Variants in ABI3BP observed in about 807,000 individuals in gnomAD.
The protein encoded by ABI3BP is target of Nesh-SH3.
Under a neutral mutation model 268.6 loss-of-function variants are expected in ABI3BP, and 216 were observed. The observed-to-expected ratio is 0.80, with a 90% confidence interval of 0.72 to 0.90. The LOEUF (loss-of-function observed/expected upper bound fraction) is 0.90, where lower values mean the gene tolerates loss of function less well. Ranked by LOEUF, ABI3BP falls within the 40% of genes least tolerant of loss-of-function variation. The pLI, the probability that ABI3BP is intolerant of heterozygous loss-of-function variation, is 0.00. For missense variants in ABI3BP, 2,090 were observed against 2,182.4 expected (o/e 0.96, Z 0.84); for synonymous variants, 730 against 730.0 (o/e 1.00, Z 0.00).
chr3:100,844,565 T>A, intron 20 of ABI3BP: 1 of 510,432 alleles, frequency 2.0e-6, no homozygotes, highest in Non-Finnish European at 2.5e-6. Flanking sequence ...GTGTATTTGC[T>A]CTTCCAAACC....
chr3:100,863,999 T>C lies in ABI3BP; in HGVS notation c.1138+3A>G. The C allele has an allele frequency of 6.6e-7, 1 of 1,524,046 alleles. No individual in the cohort carries two copies. Among genetic ancestry groups the C allele is most frequent in the South Asian group, 1.2e-5 (1 of 83,782 alleles). The allele number at this position is 1,524,046 out of a possible 1,614,324, so 94.4% of individuals were successfully genotyped here. A position where few individuals can be genotyped will look rare whatever the true frequency, so the allele number is the denominator to read the frequency against. ...TAAAGCTGCAGTATTTATTATTTTT[T>C]ACCTAGAGTGCTCAGTGGCAATTCA... On this transcript the variant is annotated splice_donor_region_variant and intron_variant, in intron 12 of 67. Transcript: ENST00000471714.
intron 2 of ABI3BP, among the ~76,000 whole-genome samples, chr3:100,905,116 A>G (rs1478544912): frequency 2.0e-5 from 3 of 152,216 alleles, no homozygotes; most frequent in African/African-American, 4.8e-5. Context: ...TTGTAGGGAC[A>G]TGGATGAAGC....
At position 100,840,353 on chromosome 3, in the gene ABI3BP, T is replaced by C. The variant is rs1054764590; in HGVS notation, c.1805-189A>G. On this transcript the variant is annotated intron_variant, in intron 22 of 67. Transcript: ENST00000471714. ...TCTTGAATAATTTTTTTGTCACAGA[T>C]TAATAAACTGTCCAAGAGATCTGTC... Among the ~76,000 whole-genome samples the C allele has an allele frequency of 2.6e-5, 4 of 152,168 alleles. No homozygotes were observed. The South Asian group carries it at 6.2e-4, about 24-fold the overall frequency.
At chr3:100,763,858 T>C (rs949001728) in intron 63 of ABI3BP, among the ~76,000 whole-genome samples, 7 of 152,196 alleles carry the variant, frequency 4.6e-5, no homozygotes, top group African/African-American at 1.7e-4. Context: ...CCAGCAACTG[T>C]TGCTCAATAT....
chr3:100,927,935 G>A (rs572304056), intron 1 of ABI3BP, among the ~76,000 whole-genome samples: 1 of 148,592 alleles, frequency 6.7e-6, no homozygotes, highest in East Asian at 2.0e-4. Flanking sequence ...AAACTTTGTA[G>A]TTTTTTTGTG....
intron 4 of ABI3BP, among the ~76,000 whole-genome samples, chr3:100,893,691 TAA>T (rs1274699297): frequency 6.6e-6 from 1 of 151,872 alleles, no homozygotes; most frequent in East Asian, 1.9e-4. Flanking sequence ...GTTTGGAAAT[TAA>T]AAGAGACTGA....
At chr3:100,873,228 A>G (rs1028664506) in intron 9 of ABI3BP, among the ~76,000 whole-genome samples, 1 of 152,234 alleles carries the variant, frequency 6.6e-6, no homozygotes, top group Non-Finnish European at 1.5e-5. Context: ...TGGATATTTG[A>G]AAAACACATG....
At chr3:100,921,267 G>A (rs1189147904) in intron 2 of ABI3BP, among the ~76,000 whole-genome samples, 1 of 152,208 alleles carries the variant, frequency 6.6e-6, no homozygotes, top group African/African-American at 2.4e-5. Flanking sequence ...CTTTTCTGCA[G>A]TAAGGATACT....
At chr3:100,778,159 CAGG>C (rs1262007679) in intron 59 of ABI3BP, 122 bp downstream of exon 59, 13 of 919,038 alleles carry the variant, frequency 1.4e-5, no homozygotes, top group Middle Eastern at 2.1e-4. Context: ...GTCTAGTCTT[CAGG>C]GCCAACACAA....
intron 51 of ABI3BP, among the ~76,000 whole-genome samples, chr3:100,803,889 T>G (rs2097609619): frequency 6.6e-6 from 1 of 152,220 alleles, no homozygotes; most frequent in Non-Finnish European, 1.5e-5. Flanking sequence ...TAATAGCCTT[T>G]GCTTATACAA....
At chr3:100,958,150 A>G (rs550029734) in intron 1 of ABI3BP, among the ~76,000 whole-genome samples, 1 of 152,368 alleles carries the variant, frequency 6.6e-6, no homozygotes, top group South Asian at 2.1e-4. Flanking sequence ...TATTCTGAAT[A>G]TAAGACAATG....
chr3:100,967,532 A>T (rs1184453625), intron 1 of ABI3BP, among the ~76,000 whole-genome samples: 2 of 151,674 alleles, frequency 1.3e-5, no homozygotes, highest in African/African-American at 4.8e-5. Flanking sequence ...AAATATTATT[A>T]GAGATTGATG....
intron 18 of ABI3BP, 56 bp downstream of exon 18, chr3:100,848,745 A>C: frequency 6.5e-7 from 1 of 1,549,302 alleles, no homozygotes; most frequent in Non-Finnish European, 8.9e-7. Flanking sequence ...TACTATAAGA[A>C]AATGGACATT....
intron 1 of ABI3BP, among the ~76,000 whole-genome samples, chr3:100,945,219 G>T (rs1390535721): frequency 2.0e-5 from 3 of 151,822 alleles, no homozygotes; most frequent in Admixed American, 2.0e-4. Flanking sequence ...TTTTTCACAG[G>T]TCTCCCCAAT....
Position 100,936,335 on chromosome 3 carries a change from C to T in ABI3BP, c.80-9854G>A, listed in dbSNP as rs576476650. Among the ~76,000 whole-genome samples the T allele has an allele frequency of 7.2e-5, 11 of 152,224 alleles. No homozygotes were observed. In the East Asian group the frequency reaches 2.1e-3, roughly 29 times the overall value. On this transcript the variant is annotated intron_variant, in intron 1 of 67. Coordinates refer to ENST00000471714, the MANE Select transcript of ABI3BP (RefSeq NM_001375547.2). ...ATCCCAGGGATGAAGCCGACTTGAT[C>T]GTGGTGGATAAGCTTTTTGATGTGC...
At chr3:100,773,531 T>C (rs2150034292) in intron 61 of ABI3BP, among the ~76,000 whole-genome samples, 1 of 152,298 alleles carries the variant, frequency 6.6e-6, no homozygotes, top group South Asian at 2.1e-4. Context: ...TACAACTACT[T>C]TGGAAAACAG....
intron 63 of ABI3BP, among the ~76,000 whole-genome samples, chr3:100,763,476 AAG>A (rs1231898484): frequency 4.6e-5 from 7 of 151,800 alleles, no homozygotes; most frequent in Admixed American, 2.0e-4. Context: ...AAAAAAAAAA[AAG>A]AAAAAAGAAA....
Position 100,832,246 on chromosome 3 carries a change from C to T in ABI3BP, c.2401+18G>A, listed in dbSNP as rs1386019589. On this transcript the variant is annotated intron_variant, in intron 31 of 67. Coordinates refer to ENST00000471714, the MANE Select transcript of ABI3BP (RefSeq NM_001375547.2). ...GGTAGACTGCTTGGATTCTACAAAA[C>T]AGAAACTACATATTTACCCAGTTTA... is the stretch of plus-strand genomic sequence containing the variant. 5 of 1,533,896 alleles carry T rather than the reference C, an allele frequency of 3.3e-6. No homozygotes were observed. The South Asian group carries it at 6.0e-5, about 18-fold the overall frequency.
chr3:100,833,378 CTTATTT>C (rs2098524189), intron 29 of ABI3BP, among the ~76,000 whole-genome samples: 1 of 152,042 alleles, frequency 6.6e-6, no homozygotes, highest in South Asian at 2.1e-4. Flanking sequence ...ACCAGTTTTT[CTTATTT>C]TTATATTATC....
Sources: gnomAD v4.1 joint callset for allele counts (sites outside exome capture counted in the v4.1 genomes callset) on GRCh38, gnomAD v4.1.1 for gene constraint, MANE v1.5 for transcripts, NCBI Gene and HGNC (gene_info 2026-07-23, HGNC 2026-07-21) for gene names.